SLC25A26: variants seen among roughly 807,000 people sequenced by gnomAD.
SLC25A26 encodes the protein mitochondrial S-adenosylmethionine carrier protein.
In SLC25A26, 36 loss-of-function variants were observed where a neutral mutation model predicts 37.8. That is an observed-to-expected ratio of 0.95 (90% confidence interval 0.73 to 1.26). The LOEUF is 1.26. SLC25A26 is among the 50% of genes most tolerant of loss of function. The pLI is 0.00. For missense variants in SLC25A26, 390 were observed against 331.1 expected, an observed-to-expected ratio of 1.18 and a Z score of -1.38; for synonymous variants, 129 against 122.5, an observed-to-expected ratio of 1.05 and a Z score of -0.35.
intron 5 of SLC25A26, among the ~76,000 whole-genome samples, chr3:66,294,507 C>G (rs1308778384): frequency 2.6e-5 from 4 of 152,066 alleles, no homozygotes; most frequent in Non-Finnish European, 4.4e-5. Context: ...AAAGCCTTTT[C>G]TGTGTCTATT....
At chr3:66,196,229 T>A (rs1387406258) in intron 1 of SLC25A26, among the ~76,000 whole-genome samples, 1 of 152,210 alleles carries the variant, frequency 6.6e-6, no homozygotes, top group Non-Finnish European at 1.5e-5. Context: ...AGAATTTATC[T>A]TCCAGTATTT....
chr3:66,332,047 T>TCCC (rs950934047), intron 5 of SLC25A26, among the ~76,000 whole-genome samples: 43 of 152,236 alleles, frequency 2.8e-4, no homozygotes, highest in South Asian at 6.2e-4. Flanking sequence ...TTCTCCTGCC[T>TCCC]CAGGCTCTTG....
chr3:66,154,290 T>G (rs28480121), intron 1 of SLC25A26, among the ~76,000 whole-genome samples: 51,357 of 152,000 alleles, frequency 0.34, 8,898 homozygotes, highest in African/African-American at 0.4. Context: ...CTGATTAAAT[T>G]CCTCTTTCCT....
chr3:66,186,694 A>G (rs2106777529), intron 1 of SLC25A26, among the ~76,000 whole-genome samples: 2 of 151,698 alleles, frequency 1.3e-5, no homozygotes, highest in East Asian at 3.9e-4. Flanking sequence ...CATAACCCTG[A>G]CCACCTTCAT....
At chr3:66,281,463 A>T (rs556954404) in intron 5 of SLC25A26, among the ~76,000 whole-genome samples, 76 of 152,300 alleles carry the variant, frequency 5.0e-4, no homozygotes, top group African/African-American at 1.8e-3. Context: ...TTTTCCTAAT[A>T]CTGTCATTTT....
intron 4 of SLC25A26, among the ~76,000 whole-genome samples, chr3:66,262,534 C>T (rs1014396509): frequency 1.3e-5 from 2 of 152,162 alleles, no homozygotes; most frequent in African/African-American, 2.4e-5. Flanking sequence ...AATGTCATAA[C>T]GTTTATACCA....
chr3:66,162,450 T>C (rs751173915), intron 1 of SLC25A26, among the ~76,000 whole-genome samples: 1 of 151,784 alleles, frequency 6.6e-6, no homozygotes, highest in Non-Finnish European at 1.5e-5. Context: ...AAGCAGAATT[T>C]AGTGTTCCAA....
rs782326033 is a variant in SLC25A26, at chr3:66,236,746, A to AT, written c.190+50dup. On this transcript the variant is annotated intron_variant, in intron 2 of 9. Coordinates refer to ENST00000354883, the MANE Select transcript of SLC25A26 (RefSeq NM_001379210.1). ...TTCTGTAAAGCCAAGATAAGATGGGATTTTCAGAATGGTGTGTGGTCTTAC... is the reference window on the plus strand; with the variant it reads ...TTCTGTAAAGCCAAGATAAGATGGGATTTTTCAGAATGGTGTGTGGTCTTAC... 3.4e-4 allele frequency: 475 copies of AT among 1,412,462 alleles called. 1 individual carries two copies. Among genetic ancestry groups the AT allele is most frequent in the Non-Finnish European group, 4.4e-4 (460 of 1,054,692 alleles). The allele number at this position is 1,412,462 out of a possible 1,614,324, so 87.5% of individuals were successfully genotyped here. A position where few individuals can be genotyped will look rare whatever the true frequency, so the allele number is the denominator to read the frequency against.
chr3:66,209,365 A>T (rs1269273039), intron 1 of SLC25A26, among the ~76,000 whole-genome samples: 1 of 139,706 alleles, frequency 7.2e-6, no homozygotes, highest in South Asian at 2.3e-4. Context: ...ATCTGTATGT[A>T]TATATATACA....
intron 1 of SLC25A26, among the ~76,000 whole-genome samples, chr3:66,205,557 T>C (rs893693521): frequency 1.6e-4 from 25 of 152,354 alleles, no homozygotes; most frequent in African/African-American, 5.8e-4. Flanking sequence ...CAGTGCTATA[T>C]AAAATAGGAT....
At chr3:66,312,964 C>G (rs543278220) in intron 5 of SLC25A26, among the ~76,000 whole-genome samples, 1 of 152,106 alleles carries the variant, frequency 6.6e-6, no homozygotes, top group South Asian at 2.1e-4. Flanking sequence ...GCCAGATCCC[C>G]CTGTTTGTTT....
chr3:66,244,945 C>G (rs1351479876), intron 3 of SLC25A26, among the ~76,000 whole-genome samples: 2 of 152,152 alleles, frequency 1.3e-5, no homozygotes, highest in Non-Finnish European at 2.9e-5. Context: ...CCGCTGCACT[C>G]CAGCCTAGGC....
chr3:66,348,404 A>C (rs1479616484), intron 6 of SLC25A26, among the ~76,000 whole-genome samples: 1 of 152,214 alleles, frequency 6.6e-6, no homozygotes, highest in Non-Finnish European at 1.5e-5. Context: ...TGCAATGTAA[A>C]ATGTATTTCT....
intron 1 of SLC25A26, among the ~76,000 whole-genome samples, chr3:66,189,853 C>T (rs2070903199): frequency 6.6e-6 from 1 of 151,816 alleles, no homozygotes; most frequent in Admixed American, 6.6e-5. Context: ...TAAATAGAGA[C>T]AAGGTCTTAC....
chr3:66,266,451 A>C (rs1227087699), intron 5 of SLC25A26, among the ~76,000 whole-genome samples: 1 of 152,060 alleles, frequency 6.6e-6, no homozygotes, highest in African/African-American at 2.4e-5. Flanking sequence ...TTTATTCTGT[A>C]TGCAATTTTT....
At chr3:66,268,402 A>G (rs974495429) in intron 5 of SLC25A26, among the ~76,000 whole-genome samples, 2 of 152,220 alleles carry the variant, frequency 1.3e-5, no homozygotes, top group Non-Finnish European at 2.9e-5. Flanking sequence ...TGCCTCACCT[A>G]TGGACTAGCA....
At position 66,378,882 on chromosome 3, in the gene SLC25A26, C is replaced by G. The variant is rs183098067; in HGVS notation, c.*1075C>G. ...TATTTTACATGGTTTTCAATGTACACTGTACCAAAATTTCTATAAATAAAT... is the reference window on the plus strand; with the variant it reads ...TATTTTACATGGTTTTCAATGTACAGTGTACCAAAATTTCTATAAATAAAT... On this transcript the variant is annotated 3_prime_UTR_variant, in exon 10 of 10. Coordinates refer to ENST00000354883, the MANE Select transcript of SLC25A26 (RefSeq NM_001379210.1). The G allele has an allele frequency of 1.3e-5, 2 of 152,770 alleles. No individual in the cohort carries two copies. The highest frequency in any genetic ancestry group is 3.9e-4 in the East Asian group (2 of 5,188). 9.5% of individuals were successfully genotyped at this position (152,770 alleles called of 1,614,324 possible).
intron 5 of SLC25A26, among the ~76,000 whole-genome samples, chr3:66,291,317 T>C (rs888065832): frequency 3.3e-5 from 5 of 152,186 alleles, no homozygotes; most frequent in Non-Finnish European, 4.4e-5. Flanking sequence ...CTCCTTCATT[T>C]CTGCTCGTAG....
chr3:66,267,902 C>A (rs2073817345), intron 5 of SLC25A26, among the ~76,000 whole-genome samples: 1 of 152,160 alleles, frequency 6.6e-6, no homozygotes, highest in South Asian at 2.1e-4. Context: ...GAAACGGGAA[C>A]CTTCAGCGAT....
Sources: gnomAD v4.1 joint callset for allele counts (sites outside exome capture counted in the v4.1 genomes callset) on GRCh38, gnomAD v4.1.1 for gene constraint, MANE v1.5 for transcripts, NCBI Gene and HGNC (gene_info 2026-07-23, HGNC 2026-07-21) for gene names.